C8orf34: variants seen among roughly 807,000 people sequenced by gnomAD.
C8orf34 encodes the protein uncharacterized protein C8orf34.
A neutral mutation model predicts 68.3 loss-of-function variants in C8orf34; 65 were observed. The observed-to-expected ratio is 0.95, with a 90% CI of 0.78 to 1.17. The LOEUF (loss-of-function observed/expected upper bound fraction) is 1.17. Ranked by LOEUF, C8orf34 falls within the 50% of genes most tolerant of loss-of-function variation. The pLI is 0.00. For synonymous variants in C8orf34, 244 were observed against 241.2 expected (o/e 1.01, Z -0.11); for missense variants, 664 against 655.4 (o/e 1.01, Z -0.14).
At chr8:68,391,383 T>C (rs1049132488) in intron 1 of C8orf34, among the ~76,000 whole-genome samples, 1 of 152,014 alleles carries the variant, frequency 6.6e-6, no homozygotes, top group African/African-American at 2.4e-5. Flanking sequence ...CTAGCTCAGA[T>C]CCCAAGGCTA....
At chr8:68,710,443 G>C (rs991428592) in intron 9 of C8orf34, among the ~76,000 whole-genome samples, 2 of 152,136 alleles carry the variant, frequency 1.3e-5, no homozygotes, top group African/African-American at 2.4e-5. Context: ...AGGGGGCACG[G>C]TGGGTGTACC....
intron 7 of C8orf34, among the ~76,000 whole-genome samples, chr8:68,552,587 T>C (rs1025928488): frequency 6.6e-6 from 1 of 152,148 alleles, no homozygotes; most frequent in Non-Finnish European, 1.5e-5. Flanking sequence ...TTTTAGTGGT[T>C]ATTTAGGATT....
intron 3 of C8orf34, among the ~76,000 whole-genome samples, chr8:68,458,568 G>A (rs1449838159): frequency 6.6e-6 from 1 of 152,214 alleles, no homozygotes; most frequent in Non-Finnish European, 1.5e-5. Flanking sequence ...ACAGATTGCA[G>A]ATTAAAGAAA....
intron 1 of C8orf34, among the ~76,000 whole-genome samples, chr8:68,409,719 T>C (rs1809362711): frequency 6.6e-6 from 1 of 152,194 alleles, no homozygotes; most frequent in African/African-American, 2.4e-5. Context: ...TGCACAGTCA[T>C]GTCCTAGGCC....
Position 68,439,573 on chromosome 8 carries a change from A to C in C8orf34, c.402A>C (p.Lys134Asn). The change falls in exon 2 of 14, where the codon AAA (lysine) becomes AAC (asparagine). Residue 134 changes from lysine (K) to asparagine (N), a missense_variant. Physicochemically the swap from Lys to Asn is moderately conservative, Grantham distance 94 (BLOSUM62 0). Transcript: ENST00000518698. Reference sequence around the variant, plus strand: ...TTCTCATTGACCATCTTCAGTCTAAACAAGGGAACCGTGGACAACTTCAAA... The same window carrying C: ...TTCTCATTGACCATCTTCAGTCTAACCAAGGGAACCGTGGACAACTTCAAA... ...IPFLIDHLQS[K>N]QGNRGQLQRT... The C allele has an allele frequency of 6.2e-7, 1 of 1,613,776 alleles. No homozygotes were observed.
intron 8 of C8orf34, among the ~76,000 whole-genome samples, chr8:68,700,643 G>A (rs186329220): frequency 6.6e-6 from 1 of 152,216 alleles, no homozygotes; most frequent in East Asian, 1.9e-4. Flanking sequence ...TCTGGCTTCA[G>A]GAAGCCTGCA....
At chr8:68,431,739 T>C (rs1327968872) in intron 1 of C8orf34, among the ~76,000 whole-genome samples, 2 of 152,206 alleles carry the variant, frequency 1.3e-5, no homozygotes, top group Admixed American at 6.5e-5. Context: ...TTTGTCATAA[T>C]TGGATAGTTC....
At chr8:68,565,801 G>A (rs1246010661) in intron 7 of C8orf34, among the ~76,000 whole-genome samples, 2 of 152,166 alleles carry the variant, frequency 1.3e-5, no homozygotes, top group African/African-American at 2.4e-5. Context: ...CCTAATTCTA[G>A]TCTAGTCTAA....
At chr8:68,421,546 A>C (rs543389532) in intron 1 of C8orf34, among the ~76,000 whole-genome samples, 1 of 152,294 alleles carries the variant, frequency 6.6e-6, no homozygotes, top group South Asian at 2.1e-4. Context: ...TATCATCATC[A>C]TGAGCCATTT....
At chr8:68,752,565 T>C (rs1001961201) in intron 10 of C8orf34, among the ~76,000 whole-genome samples, 1 of 152,190 alleles carries the variant, frequency 6.6e-6, no homozygotes, top group African/African-American at 2.4e-5. Flanking sequence ...GTTGTTAAAC[T>C]TTTACCATGT....
At chr8:68,602,211 C>A (rs1292115428) in intron 7 of C8orf34, among the ~76,000 whole-genome samples, 1 of 152,132 alleles carries the variant, frequency 6.6e-6, no homozygotes, top group Non-Finnish European at 1.5e-5. Flanking sequence ...CCACCTCCCA[C>A]CACCTCCTTC....
intron 1 of C8orf34, among the ~76,000 whole-genome samples, chr8:68,411,533 G>T (rs970768607): frequency 6.6e-6 from 1 of 152,164 alleles, no homozygotes; most frequent in Non-Finnish European, 1.5e-5. Context: ...GTCCATCAAA[G>T]AATTAAAGTG....
chr8:68,468,115 C>A (rs1812226357), intron 3 of C8orf34, among the ~76,000 whole-genome samples: 1 of 151,868 alleles, frequency 6.6e-6, no homozygotes, highest in African/African-American at 2.4e-5. Context: ...GTTTTCTTTG[C>A]CTTGCAAAAT....
intron 5 of C8orf34, among the ~76,000 whole-genome samples, chr8:68,491,291 C>T (rs1316200532): frequency 6.6e-6 from 1 of 151,100 alleles, no homozygotes; most frequent in Non-Finnish European, 1.5e-5. Flanking sequence ...TTGTCACTAA[C>T]GTTTTTCTTT....
At chr8:68,797,362 T>G (rs761001233) in intron 12 of C8orf34, among the ~76,000 whole-genome samples, 1 of 152,142 alleles carries the variant, frequency 6.6e-6, no homozygotes, top group Non-Finnish European at 1.5e-5. Flanking sequence ...AATGAAGGTC[T>G]CCTGATTGGG....
intron 9 of C8orf34, among the ~76,000 whole-genome samples, chr8:68,717,554 G>T (rs185010590): frequency 7.2e-4 from 109 of 152,170 alleles, no homozygotes; most frequent in Middle Eastern, 6.8e-3. Flanking sequence ...AGGAGGCTGG[G>T]TGATGGGATA....
chr8:68,454,702 G>A (rs1452466611), intron 3 of C8orf34, among the ~76,000 whole-genome samples: 2 of 151,700 alleles, frequency 1.3e-5, no homozygotes, highest in African/African-American at 2.4e-5. Context: ...ACCAACTTTT[G>A]GTTTTGCTGA....
At chr8:68,618,445 G>C (rs1473242987) in intron 7 of C8orf34, among the ~76,000 whole-genome samples, 3 of 152,002 alleles carry the variant, frequency 2.0e-5, no homozygotes, top group African/African-American at 7.3e-5. Flanking sequence ...TGCTTCCCAG[G>C]CTCAACAGAT....
At chr8:68,799,407 T>C (rs2129529504) in intron 12 of C8orf34, among the ~76,000 whole-genome samples, 1 of 152,304 alleles carries the variant, frequency 6.6e-6, no homozygotes, top group South Asian at 2.1e-4. Context: ...CTATTGTTTT[T>C]CTCTATGGAT....
Sources: allele counts gnomAD v4.1 joint callset (sites outside exome capture counted in the v4.1 genomes callset), GRCh38; gene constraint gnomAD v4.1.1; transcripts MANE v1.5; gene names NCBI Gene and HGNC (gene_info 2026-07-23, HGNC 2026-07-21).